The following SPATA31C2 variants were observed in gnomAD, a reference collection of about 807,000 sequenced individuals.
SPATA31C2 encodes SPATA31 subfamily C member 2.
SPATA31C2 carries 5 observed loss-of-function variants against 11.4 expected under a neutral mutation model. The observed-to-expected ratio is 0.44, with a 90% CI of 0.23 to 0.92. The LOEUF (loss-of-function observed/expected upper bound fraction) is 0.92. Ranked by LOEUF, SPATA31C2 falls within the 40% of genes least tolerant of loss-of-function variation. SPATA31C2 has a pLI of 0.24. For missense variants in SPATA31C2, 1,353 were observed against 1,368.6 expected (o/e 0.99, Z 0.18); for synonymous variants, 515 against 538.7 (o/e 0.96, Z 0.61).
intron 1 of SPATA31C2, among the ~76,000 whole-genome samples, chr9:88,133,893 A>C (rs1272367382): frequency 6.6e-6 from 1 of 152,164 alleles, no homozygotes; most frequent in Non-Finnish European, 1.5e-5. Context: ...GCGGTGGCTC[A>C]CGCCTATAAT....
In SPATA31C2 at chr9:88,129,899, G is replaced by A. The variant is rs373859463; in HGVS notation, c.3138C>T (p.Tyr1046=). Residue 1046 remains tyrosine, a synonymous_variant, in exon 4 of 4, where the codon TAC becomes TAT. Transcript: ENST00000324915. ...QKTVKNRSCV[Y]GSSAEAERLM... Reference sequence around the variant, plus strand: ...GCCTCTCAGCTTCAGCACTGCTGCCGTACACGCATGATCTGTTTTTTACTG... The same window carrying A: ...GCCTCTCAGCTTCAGCACTGCTGCCATACACGCATGATCTGTTTTTTACTG... 24,630 of 1,605,980 alleles carry A rather than the reference G, an allele frequency of 0.015. 176 individuals are homozygous for A. The highest frequency in any genetic ancestry group is 0.021 in the Middle Eastern group (124 of 5,990).
chr9:88,130,962 G>A lies in SPATA31C2; in HGVS notation c.2075C>T (p.Thr692Ile), dbSNP rs768477561. 1.2e-6 allele frequency: 2 copies of A among 1,612,900 alleles called. No homozygotes were observed. Among genetic ancestry groups the A allele is most frequent in the Non-Finnish European group, 1.7e-6 (2 of 1,179,878 alleles). Residue 692 changes from threonine to isoleucine, a missense_variant, in exon 4 of 4, where the codon ACC becomes ATC. Thr to Ile is a moderately conservative substitution (Grantham distance 89). Coordinates refer to ENST00000324915, the MANE Select transcript of SPATA31C2 (RefSeq NM_001350978.3). ...LIQLAGPSSD[T>I]CESGAGSKVE... ...TTTTGAGCCAGCCCCAGATTCGCAG[G>A]TGTCTGAGGAGGGACCAGCAAGCTG...
At chr9:88,134,346 G>A (rs1292608627) in intron 1 of SPATA31C2, among the ~76,000 whole-genome samples, 3 of 139,592 alleles carry the variant, frequency 2.1e-5, no homozygotes, top group Non-Finnish European at 4.8e-5. Flanking sequence ...GCCCTCGGGG[G>A]CCCAGCACAG....
At position 88,129,741 on chromosome 9, in the gene SPATA31C2, G is replaced by C. The variant is rs748454327; in HGVS notation, c.3296C>G (p.Pro1099Arg). 3.1e-6 allele frequency: 5 copies of C among 1,603,570 alleles called. No homozygotes were observed. In the African/African-American group the frequency reaches 6.7e-5, roughly 21 times the overall value. ...VCGFPCNHRH[P>R]FYSEHSRMLS... is the part of the protein sequence containing the mutation. Reference sequence around the variant, plus strand: ...CATTCTGCTGTGTTCTGAGTAGAACGGGTGTCTGTGGTTGCAGGGAAACCC... The same window carrying C: ...CATTCTGCTGTGTTCTGAGTAGAACCGGTGTCTGTGGTTGCAGGGAAACCC... Residue 1099 changes from proline to arginine, a missense_variant, in exon 4 of 4, where the codon CCG becomes CGG. Pro to Arg is a moderately radical substitution (Grantham distance 103). This residue lies in a region of SPATA31C2 where 187 missense variants were observed against 205.8 expected (regional missense o/e 0.91). Coordinates refer to ENST00000324915, the MANE Select transcript of SPATA31C2 (RefSeq NM_001350978.3).
At position 88,131,411 on chromosome 9, in the gene SPATA31C2, C is replaced by T. The variant is rs149069834; in HGVS notation, c.1626G>A (p.Ala542=). The T allele has an allele frequency of 7.6e-3, 12,266 of 1,611,958 alleles. 460 individuals carry two copies. In the Admixed American group the frequency reaches 0.1, roughly 13 times the overall value. The change falls in exon 4 of 4, where the codon GCG becomes GCA. Residue 542 remains alanine, a synonymous_variant. Coordinates refer to ENST00000324915, the MANE Select transcript of SPATA31C2 (RefSeq NM_001350978.3). ...GGTTCCTTTCCGACTCCTCAGAGGT[C>T]GCCCCCAGAACCTTCCCTGGGAAGC... ...MESFPGKVLG[A]TSEESERNLR...
Position 88,132,408 on chromosome 9 carries a change from A to G in SPATA31C2, c.629T>C (p.Phe210Ser). ...EHPSPEPPAL[F>S]PHPPRTPDPL... is the part of the protein sequence containing the mutation. ...ATCAGGAGTGCGTGGTGGGTGAGGG[A>G]AAAGTGCAGGTGGCTCGGGTGAGGG... The change falls in exon 4 of 4, where the codon TTC becomes TCC. Residue 210 changes from phenylalanine to serine, a missense_variant. Around this residue, in one of 6 missense-constraint regions of SPATA31C2, gnomAD observed 1,075 missense variants for 992.8 expected, o/e 1.08. Coordinates refer to ENST00000324915, the MANE Select transcript of SPATA31C2 (RefSeq NM_001350978.3). The G allele has an allele frequency of 6.2e-7, 1 of 1,611,140 alleles. No homozygotes were observed. Among genetic ancestry groups the G allele is most frequent in the Non-Finnish European group, 8.5e-7 (1 of 1,178,092 alleles).
At position 88,131,171 on chromosome 9, in the gene SPATA31C2, C is replaced by T. The variant is rs758661916; in HGVS notation, c.1866G>A (p.Pro622=). ...THVKTSNLAA[P]KSRKACVNTA... ...TGTTCACACAGGCTTTCCTGCTTTTCGGGGCTGCTAGATTGCTGGTTTTCA... is the reference window on the plus strand; with the variant it reads ...TGTTCACACAGGCTTTCCTGCTTTTTGGGGCTGCTAGATTGCTGGTTTTCA... The change falls in exon 4 of 4, where the codon CCG becomes CCA. Residue 622 remains proline, a synonymous_variant. Transcript: ENST00000324915. The T allele has an allele frequency of 6.8e-6, 11 of 1,611,610 alleles. No homozygotes were observed. Among genetic ancestry groups the T allele is most frequent in the South Asian group, 2.2e-5 (2 of 90,992 alleles).
chr9:88,131,212 C>T lies in SPATA31C2; in HGVS notation c.1825G>A (p.Val609Ile), dbSNP rs367652305. The T allele has an allele frequency of 2.4e-5, 38 of 1,611,662 alleles. No individual in the cohort carries two copies. In the East Asian group the frequency reaches 3.6e-4, roughly 15 times the overall value. ...CTGGTTTTCACGTGGGTGTTGGAGA[C>T]GGGAAAAGCCTGGTTGACAGCAAGC... ...SWLAVNQAFP[V>I]SNTHVKTSNL... Residue 609 changes from valine (V) to isoleucine (I), a missense_variant, in exon 4 of 4, where the codon GTC becomes ATC. This residue lies in a region of SPATA31C2 where 1,075 missense variants were observed against 992.8 expected (regional missense o/e 1.08). Transcript: ENST00000324915.
Position 88,130,886 on chromosome 9 carries a change from C to T in SPATA31C2, c.2151G>A (p.Lys717=). The T allele has an allele frequency of 2.5e-6, 4 of 1,613,798 alleles. No individual in the cohort carries two copies. The highest frequency in any genetic ancestry group is 3.4e-6 in the Non-Finnish European group (4 of 1,179,874). ...LGEPPMASLR[K]QVLTKPSVHM... is the part of the protein sequence containing the mutation. ...GAACAGATGGTTTGGTCAGCACCTG[C>T]TTTCTCAGACTTGCCATTGGTGGCT... The change falls in exon 4 of 4, where the codon AAG becomes AAA. Residue 717 remains lysine (K), a synonymous_variant. Transcript: ENST00000324915.
intron 1 of SPATA31C2, 113 bp from the exon 2 acceptor site, chr9:88,133,782 A>T: frequency 6.0e-6 from 9 of 1,491,128 alleles, no homozygotes; most frequent in Non-Finnish European, 8.3e-6. Flanking sequence ...TTGCTCAGGG[A>T]GCTCTGTGTG....
rs758197988 is a variant in SPATA31C2 at position 88,133,630 on chromosome 9, T to A, written c.229A>T (p.Arg77Trp). The A allele has an allele frequency of 2.5e-5, 40 of 1,578,204 alleles. No homozygotes were observed. Among genetic ancestry groups the A allele is most frequent in the Non-Finnish European group, 3.3e-5 (38 of 1,160,558 alleles). The part of the protein sequence containing the change: ...VSQRPAGRRG[R>W]PRGRMKNHSL... ...TGGTTTTTCATCCTGCCTCTGGGCC[T>A]CCCCCTCCGCCCTGCTGGACGCTGG... Residue 77 changes from arginine (R) to tryptophan (W), a missense_variant, in exon 2 of 4, where the codon AGG (arginine) becomes TGG (tryptophan). By Grantham distance (101) the Arg-to-Trp change is moderately radical. Around this residue, in one of 6 missense-constraint regions of SPATA31C2, gnomAD observed 67 missense variants for 41.4 expected, o/e 1.62. Coordinates refer to ENST00000324915, the MANE Select transcript of SPATA31C2 (RefSeq NM_001350978.3).
intron 1 of SPATA31C2, among the ~76,000 whole-genome samples, chr9:88,136,054 C>T (rs1422772583): frequency 2.2e-5 from 3 of 136,544 alleles, no homozygotes; most frequent in African/African-American, 8.8e-5. Context: ...CTGCCTCAGC[C>T]TCCCGAGTAG....
chr9:88,133,429 A>G (rs1175138802), intron 2 of SPATA31C2, among the ~76,000 whole-genome samples, 165 bp downstream of exon 2: 1 of 107,558 alleles, frequency 9.3e-6, no homozygotes, highest in Non-Finnish European at 1.9e-5. Context: ...TCCCTGGCCC[A>G]CCATGGCTTC....
chr9:88,136,425 C>G (rs866533719), intron 1 of SPATA31C2, among the ~76,000 whole-genome samples: 192 of 140,904 alleles, frequency 1.4e-3, no homozygotes, highest in Middle Eastern at 3.6e-3. Flanking sequence ...AAACTTTAAA[C>G]AATATTCTAG....
At chr9:88,136,509 T>C (rs752723526) in intron 1 of SPATA31C2, among the ~76,000 whole-genome samples, 3 of 147,070 alleles carry the variant, frequency 2.0e-5, no homozygotes, top group Non-Finnish European at 4.5e-5. Flanking sequence ...CCTGTCTTTA[T>C]TAACAGGCTC....
In SPATA31C2 at chr9:88,131,197, C is replaced by G. The variant is rs745443188; in HGVS notation, c.1840G>C (p.Val614Leu). 6 of 1,611,784 alleles carry G rather than the reference C, an allele frequency of 3.7e-6. No individual in the cohort carries two copies. The Admixed American group carries it at 6.7e-5, about 18-fold the overall frequency. Residue 614 changes from valine (V) to leucine (L), a missense_variant, in exon 4 of 4, where the codon GTG becomes CTG. Transcript: ENST00000324915. ...GGGGCTGCTAGATTGCTGGTTTTCA[C>G]GTGGGTGTTGGAGACGGGAAAAGCC... The part of the protein sequence containing the change: ...NQAFPVSNTH[V>L]KTSNLAAPKS...
chr9:88,136,100 A>T (rs1458442158), intron 1 of SPATA31C2, among the ~76,000 whole-genome samples: 1 of 136,068 alleles, frequency 7.3e-6, no homozygotes, highest in African/African-American at 3.0e-5. Flanking sequence ...CGCCCGGCTA[A>T]TTTTTTGTAT....
chr9:88,134,070 G>C (rs1587689703), intron 1 of SPATA31C2, among the ~76,000 whole-genome samples: 1 of 150,472 alleles, frequency 6.6e-6, no homozygotes, highest in East Asian at 2.0e-4. Context: ...CAGGAGAATA[G>C]CTTGAACTCT....
chr9:88,131,720 C>G lies in SPATA31C2; in HGVS notation c.1317G>C (p.Leu439=), dbSNP rs781339987. ...NLPQERLTSI[L]PENFPVSPEL... ...CAGGACTGACTGGAAAGTTCTCAGGCAGAATGGATGTCAGTCTTTCCTGGG... is the reference window on the plus strand; with the variant it reads ...CAGGACTGACTGGAAAGTTCTCAGGGAGAATGGATGTCAGTCTTTCCTGGG... Residue 439 remains leucine (L), a synonymous_variant, in exon 4 of 4, where the codon CTG becomes CTC. Transcript: ENST00000324915. 4 of 1,611,814 alleles carry G rather than the reference C, an allele frequency of 2.5e-6. No homozygotes were observed. The East Asian group carries it at 6.7e-5, about 27-fold the overall frequency.
Sources: allele counts gnomAD v4.1 joint callset (sites outside exome capture counted in the v4.1 genomes callset), GRCh38; gene constraint gnomAD v4.1.1; regional missense constraint gnomAD v4.1.1; transcripts MANE v1.5; gene names NCBI Gene and HGNC (gene_info 2026-07-23, HGNC 2026-07-21).